The following KCNK1 variants were observed in gnomAD, a reference collection of about 807,000 sequenced individuals.
KCNK1 encodes potassium channel subfamily K member 1.
In KCNK1, 10 loss-of-function variants were observed where a neutral mutation model predicts 22.2. The ratio of observed to expected loss-of-function variants is 0.45; its 90% CI spans 0.28 to 0.76. The LOEUF (loss-of-function observed/expected upper bound fraction) is 0.76. Ranked by LOEUF, KCNK1 falls within the 30% of genes least tolerant of loss-of-function variation. The pLI, the probability that KCNK1 is intolerant of heterozygous loss-of-function variation, is 0.14. For missense variants in KCNK1, 378 were observed against 421.0 expected (o/e 0.90, Z 0.89); for synonymous variants, 200 against 186.4 (o/e 1.07, Z -0.60).
intron 1 of KCNK1, among the ~76,000 whole-genome samples, chr1:233,615,003 A>G (rs1213629791): frequency 1.3e-5 from 2 of 152,230 alleles, no homozygotes; most frequent in Non-Finnish European, 2.9e-5. Context: ...CCGAGGCTGC[A>G]GTCTGGTAAT....
intron 1 of KCNK1, among the ~76,000 whole-genome samples, chr1:233,617,124 TAC>T (rs761239931): frequency 1.3e-5 from 2 of 152,212 alleles, no homozygotes; most frequent in Non-Finnish European, 2.9e-5. Context: ...AATTAATCAG[TAC>T]AGTCAATCCT....
Position 233,666,803 on chromosome 1 carries a change from G to A in KCNK1, c.564G>A (p.Gly188=), listed in dbSNP as rs1369891521. The change falls in exon 2 of 3, where the codon GGG becomes GGA. Residue 188 remains glycine, a synonymous_variant. Transcript: ENST00000366621. ...VVAIVHAVLL[G]FVTVSCFFFI... ...CCATCGTCCATGCCGTGCTCCTTGGGTTTGTCACTGTGTCCTGCTTCTTCT... is the reference window on the plus strand; with the variant it reads ...CCATCGTCCATGCCGTGCTCCTTGGATTTGTCACTGTGTCCTGCTTCTTCT... The A allele has an allele frequency of 1.2e-6, 2 of 1,614,208 alleles. No homozygotes were observed. Among genetic ancestry groups the A allele is most frequent in the Non-Finnish European group, 1.7e-6 (2 of 1,180,054 alleles).
intron 1 of KCNK1, among the ~76,000 whole-genome samples, chr1:233,615,730 C>T (rs1407806991): frequency 1.3e-5 from 2 of 151,388 alleles, no homozygotes; most frequent in African/African-American, 4.9e-5. Context: ...TTCCTTCCTC[C>T]CCACCCCCCT....
At chr1:233,632,776 T>A (rs1207192296) in intron 1 of KCNK1, among the ~76,000 whole-genome samples, 1 of 152,178 alleles carries the variant, frequency 6.6e-6, no homozygotes, top group African/African-American at 2.4e-5. Flanking sequence ...AGGAGCCCAG[T>A]GTGCACCTTC....
chr1:233,667,512 C>T (rs903177244), intron 2 of KCNK1, among the ~76,000 whole-genome samples: 1 of 151,884 alleles, frequency 6.6e-6, no homozygotes, highest in African/African-American at 2.4e-5. Context: ...GGGCGGATCA[C>T]GAGGTCAGGA....
intron 1 of KCNK1, among the ~76,000 whole-genome samples, chr1:233,647,523 A>C (rs1658120978): frequency 6.6e-6 from 1 of 151,412 alleles, no homozygotes; most frequent in Non-Finnish European, 1.5e-5. Flanking sequence ...CCCTTTACCA[A>C]CTCCTGTCCT....
chr1:233,636,943 T>C (rs2102892208), intron 1 of KCNK1, among the ~76,000 whole-genome samples: 1 of 152,162 alleles, frequency 6.6e-6, no homozygotes, highest in East Asian at 1.9e-4. Flanking sequence ...ACGCCTGTAA[T>C]CCCAGCACTT....
intron 1 of KCNK1, among the ~76,000 whole-genome samples, chr1:233,642,965 A>G (rs1055491427): frequency 1.4e-4 from 19 of 137,264 alleles, no homozygotes; most frequent in African/African-American, 5.3e-4. Flanking sequence ...CATTTTTAGT[A>G]GAGATGGGGT....
At chr1:233,641,640 G>C (rs1658001559) in intron 1 of KCNK1, among the ~76,000 whole-genome samples, 1 of 152,144 alleles carries the variant, frequency 6.6e-6, no homozygotes, top group African/African-American at 2.4e-5. Context: ...TCCTGTGCTG[G>C]GGTCAGGGAG....
At chr1:233,617,334 T>C (rs1657503953) in intron 1 of KCNK1, among the ~76,000 whole-genome samples, 1 of 152,208 alleles carries the variant, frequency 6.6e-6, no homozygotes, top group African/African-American at 2.4e-5. Flanking sequence ...TCAGCAATAG[T>C]CTTCTCATTC....
chr1:233,634,638 G>GTT lies in KCNK1; in HGVS notation c.355+20113_355+20114dup, dbSNP rs1306430952. ...TTAGCAAAGCAGGGCTCATGGGATT[G>GTT]TTATGCCCACCAGATGCTCTGCAAC... On this transcript the variant is annotated intron_variant, in intron 1 of 2. Transcript: ENST00000366621. 4.5e-3 allele frequency among the ~76,000 whole-genome samples: 692 copies of GTT among 152,308 alleles called. 4 individuals are homozygous for GTT. Among genetic ancestry groups the GTT allele is most frequent in the African/African-American group, 0.016 (669 of 41,562 alleles).
chr1:233,651,958 G>C (rs191491823), intron 1 of KCNK1, among the ~76,000 whole-genome samples: 1 of 152,354 alleles, frequency 6.6e-6, no homozygotes, highest in African/African-American at 2.4e-5. Flanking sequence ...GAAGACAAGG[G>C]ATGACCTGGA....
intron 1 of KCNK1, among the ~76,000 whole-genome samples, chr1:233,625,762 G>A (rs1352319077): frequency 3.3e-5 from 5 of 152,092 alleles, no homozygotes; most frequent in African/African-American, 4.8e-5. Flanking sequence ...TGAGAAGATG[G>A]CACTTACGTA....
chr1:233,644,933 A>G (rs1412201705), intron 1 of KCNK1, among the ~76,000 whole-genome samples: 2 of 152,188 alleles, frequency 1.3e-5, no homozygotes, highest in African/African-American at 4.8e-5. Context: ...GGTGGCTCAC[A>G]TCTGTAATCC....
Position 233,672,005 on chromosome 1 carries a change from G to A in KCNK1, c.*475G>A, listed in dbSNP as rs1658609231. On this transcript the variant is annotated 3_prime_UTR_variant, in exon 3 of 3. Coordinates refer to ENST00000366621, the MANE Select transcript of KCNK1 (RefSeq NM_002245.4). The stretch of plus-strand genomic sequence containing the variant: ...GTACCCACCCAAAATGATTATTTTT[G>A]TAGAATCTAAGTTAAACTTACTATT... 1 of 162,102 alleles carries A rather than the reference G, an allele frequency of 6.2e-6. No individual in the cohort carries two copies. Among genetic ancestry groups the A allele is most frequent in the South Asian group, 1.7e-4 (1 of 5,946 alleles). The allele number at this position is 162,102 out of a possible 1,614,324, so 10.0% of individuals were successfully genotyped here.
In KCNK1 at chr1:233,671,987, C is replaced by A; in HGVS notation, c.*457C>A. The A allele has an allele frequency of 6.2e-6, 1 of 162,008 alleles. No individual in the cohort carries two copies. Among genetic ancestry groups the A allele is most frequent in the Non-Finnish European group, 1.4e-5 (1 of 73,652 alleles). The allele number at this position is 162,008 out of a possible 1,614,324, so 10.0% of individuals were successfully genotyped here. A position where few individuals can be genotyped will look rare whatever the true frequency, so the allele number is the denominator to read the frequency against. On this transcript the variant is annotated 3_prime_UTR_variant, in exon 3 of 3. Transcript: ENST00000366621. ...ATGTGTACTGGTTTGCATGTACCCA[C>A]CCAAAATGATTATTTTTGTAGAATC...
At chr1:233,636,937 C>T (rs971877994) in intron 1 of KCNK1, among the ~76,000 whole-genome samples, 12 of 152,064 alleles carry the variant, frequency 7.9e-5, no homozygotes, top group African/African-American at 2.9e-4. Context: ...TGGCTCACGC[C>T]TGTAATCCCA....
chr1:233,617,430 A>G (rs1048199584), intron 1 of KCNK1, among the ~76,000 whole-genome samples: 1 of 152,230 alleles, frequency 6.6e-6, no homozygotes, highest in Non-Finnish European at 1.5e-5. Context: ...AAGATTTCTC[A>G]CCCATCATAA....
At chr1:233,649,059 C>G (rs963357330) in intron 1 of KCNK1, among the ~76,000 whole-genome samples, 2 of 152,096 alleles carry the variant, frequency 1.3e-5, no homozygotes, top group Non-Finnish European at 2.9e-5. Context: ...CCAAGAGAAG[C>G]CAGATTTGCT....
Sources: allele counts gnomAD v4.1 joint callset (sites outside exome capture counted in the v4.1 genomes callset), GRCh38; gene constraint gnomAD v4.1.1; transcripts MANE v1.5; gene names NCBI Gene and HGNC (gene_info 2026-07-23, HGNC 2026-07-21).